The following MMRN1 variants were observed in gnomAD, a reference collection of about 807,000 sequenced individuals.
The protein encoded by MMRN1 is multimerin-1.
A neutral mutation model predicts 100.7 loss-of-function variants in MMRN1; 94 were observed. That is an observed-to-expected ratio of 0.93 (90% CI 0.79 to 1.11). The LOEUF is 1.11. Ranked by LOEUF, MMRN1 falls within the 50% of genes least tolerant of loss-of-function variation. MMRN1 has a pLI of 0.00. For synonymous variants in MMRN1, 575 were observed against 505.0 expected (o/e 1.14, Z -1.86); for missense variants, 1,606 against 1,439.1 (o/e 1.12, Z -1.88).
chr4:89,894,044 C>T (rs1721114963), upstream of MMRN1, among the ~76,000 whole-genome samples: 1 of 152,078 alleles, frequency 6.6e-6, no homozygotes, highest in Non-Finnish European at 1.5e-5. Context: ...TAAAAGCATT[C>T]TATATGATCC....
At position 89,895,473 on chromosome 4, in the gene MMRN1, G is replaced by T. The variant is rs139015467; in HGVS notation, c.502G>T (p.Val168Phe). The T allele has an allele frequency of 8.7e-6, 14 of 1,613,798 alleles. No homozygotes were observed. The highest frequency in any genetic ancestry group is 1.2e-5 in the Non-Finnish European group (14 of 1,179,908). The change falls in exon 1 of 8, where the codon GTT becomes TTT. Residue 168 changes from valine (V) to phenylalanine (F), a missense_variant. Physicochemically the swap from Val to Phe is conservative, Grantham distance 50 (BLOSUM62 -1). Transcript: ENST00000264790. ...TVGGTGGIGG[V>F]GGTGGVGNRA... The stretch of plus-strand genomic sequence containing the variant: ...TGGAGGCACTGGAGGCATTGGAGGC[G>T]TTGGAGGCACTGGAGGCGTGGGAAA...
At chr4:89,951,413 A>T (rs1470496010) in intron 6 of MMRN1, 192 bp from the exon 7 acceptor site, 9 of 440,032 alleles carry the variant, frequency 2.0e-5, no homozygotes, top group Non-Finnish European at 3.5e-5. Flanking sequence ...TTACTGAAGG[A>T]GATAGAGAGA....
At chr4:89,898,806 C>G (rs1721292666) in intron 1 of MMRN1, among the ~76,000 whole-genome samples, 3 of 152,058 alleles carry the variant, frequency 2.0e-5, no homozygotes, top group Admixed American at 1.3e-4. Flanking sequence ...GGTGGCCTTT[C>G]TAATCGCTCC....
chr4:89,927,847 T>C lies in MMRN1; in HGVS notation c.1008T>C (p.Thr336=). ...TGAACTACCAGGCAATGAAACTGAC[T>C]CTTCTGCAGAAGAAGATTGACAATA... The part of the protein sequence containing the change: ...DQVNYQAMKL[T]LLQKKIDNIS... The change falls in exon 5 of 8, where the codon ACT becomes ACC. Residue 336 remains threonine, a synonymous_variant. Coordinates refer to ENST00000264790, the MANE Select transcript of MMRN1 (RefSeq NM_007351.3). 6.2e-7 allele frequency: 1 copy of C among 1,612,820 alleles called. No homozygotes were observed. Among genetic ancestry groups the C allele is most frequent in the Non-Finnish European group, 8.5e-7 (1 of 1,179,350 alleles).
chr4:89,916,512 T>C (rs1040249897), intron 3 of MMRN1, among the ~76,000 whole-genome samples: 1 of 151,760 alleles, frequency 6.6e-6, no homozygotes, highest in African/African-American at 2.4e-5. Context: ...TTCTTTCAAA[T>C]TAGTGATGTT....
chr4:89,924,145 A>G (rs928782232), intron 4 of MMRN1, among the ~76,000 whole-genome samples: 18 of 152,242 alleles, frequency 1.2e-4, no homozygotes, highest in Admixed American at 5.2e-4. Flanking sequence ...TTCTCAGAAC[A>G]TAGCTACAAC....
intron 1 of MMRN1, among the ~76,000 whole-genome samples, chr4:89,903,380 C>T (rs1219230708): frequency 1.3e-5 from 2 of 150,490 alleles, no homozygotes; most frequent in Non-Finnish European, 3.0e-5. Flanking sequence ...GAGAGGCAAG[C>T]TTCATCTGAA....
chr4:89,895,531 G>T lies in MMRN1; in HGVS notation c.560G>T (p.Gly187Val), dbSNP rs747124745. 1.7e-5 allele frequency: 28 copies of T among 1,613,790 alleles called. No homozygotes were observed. The highest frequency in any genetic ancestry group is 1.7e-4 in the Middle Eastern group (1 of 6,058). Reference protein sequence around the residue: ...RAPRETYLSRGDSSSSQRTDY... With the variant: ...RAPRETYLSRVDSSSSQRTDY... ...CCACGGGAAACATACCTCAGCCGGG[G>T]TGACAGCAGTTCCAGCCAAAGAACT... The change falls in exon 1 of 8, where the codon GGT (glycine) becomes GTT (valine). Residue 187 changes from glycine to valine, a missense_variant. Gly to Val is a moderately radical substitution (Grantham distance 109). Transcript: ENST00000264790.
intron 1 of MMRN1, among the ~76,000 whole-genome samples, chr4:89,895,986 C>G (rs1263190141): frequency 6.6e-6 from 1 of 152,034 alleles, no homozygotes; most frequent in Non-Finnish European, 1.5e-5. Flanking sequence ...GGGGCTTGAA[C>G]AGATGTGAAA....
intron 5 of MMRN1, among the ~76,000 whole-genome samples, chr4:89,931,826 G>T (rs1017128053): frequency 3.9e-5 from 6 of 152,116 alleles, no homozygotes; most frequent in African/African-American, 1.4e-4. Context: ...CAATGCATGG[G>T]TATTATGGAA....
In MMRN1 at chr4:89,925,516, A is replaced by C. The variant is rs1304443172; in HGVS notation, c.955+2244A>C. ...TTATATTTTTAATATATATATATAT[A>C]TTTAATTTTTAATTAAAAATTTAAG... On this transcript the variant is annotated intron_variant, in intron 4 of 7. Transcript: ENST00000264790. Among the ~76,000 whole-genome samples the C allele has an allele frequency of 2.1e-5, 3 of 145,290 alleles. No individual in the cohort carries two copies. In the East Asian group the frequency reaches 6.1e-4, roughly 30 times the overall value.
At chr4:89,939,469 A>G (rs1300677711) in intron 6 of MMRN1, among the ~76,000 whole-genome samples, 1 of 152,150 alleles carries the variant, frequency 6.6e-6, no homozygotes, top group African/African-American at 2.4e-5. Context: ...AACATTTACT[A>G]TATCTCAGGC....
chr4:89,926,341 T>C (rs564699005), intron 4 of MMRN1, among the ~76,000 whole-genome samples: 8 of 152,114 alleles, frequency 5.3e-5, no homozygotes, highest in African/African-American at 1.9e-4. Context: ...TGAGATGATA[T>C]CGCATAGTAG....
At chr4:89,923,048 C>A in intron 3 of MMRN1, 120 bp from the exon 4 acceptor site, 1 of 788,908 alleles carries the variant, frequency 1.3e-6, no homozygotes, top group East Asian at 2.6e-5. Context: ...GCAATCATCC[C>A]CGACCATCAT....
At chr4:89,884,827 C>A (rs1210568266) in intron 1 of MMRN1, among the ~76,000 whole-genome samples, 3 of 152,110 alleles carry the variant, frequency 2.0e-5, no homozygotes, top group African/African-American at 4.8e-5. Flanking sequence ...TATAATACAG[C>A]ACTTTACATT....
chr4:89,909,915 A>AT (rs1721693994), intron 2 of MMRN1, among the ~76,000 whole-genome samples: 1 of 151,462 alleles, frequency 6.6e-6, no homozygotes, highest in Middle Eastern at 3.4e-3. Context: ...TTTGATTATC[A>AT]TTTTTTAAAA....
intron 1 of MMRN1, among the ~76,000 whole-genome samples, chr4:89,903,802 T>A (rs1167599809): frequency 1.3e-5 from 2 of 151,254 alleles, no homozygotes; most frequent in South Asian, 2.1e-4. Context: ...AACTATGTTA[T>A]GGGAAATTTT....
At chr4:89,908,896 A>G (rs1050652202) in intron 1 of MMRN1, among the ~76,000 whole-genome samples, 1 of 151,358 alleles carries the variant, frequency 6.6e-6, no homozygotes, top group East Asian at 1.9e-4. Context: ...TTATTTACTT[A>G]TGCTTTACTG....
chr4:89,938,986 A>C (rs1722740409), intron 6 of MMRN1, among the ~76,000 whole-genome samples: 1 of 152,102 alleles, frequency 6.6e-6, no homozygotes, highest in Non-Finnish European at 1.5e-5. Flanking sequence ...ATAGGTTTGC[A>C]TGCCCATTAA....
Sources: gnomAD v4.1 joint callset for allele counts (sites outside exome capture counted in the v4.1 genomes callset) on GRCh38, gnomAD v4.1.1 for gene constraint, MANE v1.5 for transcripts, NCBI Gene and HGNC (gene_info 2026-07-23, HGNC 2026-07-21) for gene names.